The following ADISSP variants were observed in gnomAD, a reference collection of about 807,000 sequenced individuals.
ADISSP encodes the protein adipose secreted signaling protein.
At chr20:3,754,814 G>A in the ADISSP span, among the ~76,000 whole-genome samples, 1 of 152,226 alleles carries the variant, frequency 6.6e-6, no homozygotes. Context: ...AAGAAGGTCT[G>A]GCTGTTTTCT....
the ADISSP span, chr20:3,760,021 C>G: frequency 6.2e-7 from 1 of 1,610,306 alleles, no homozygotes. Context: ...AGCAATGGCC[C>G]TCCTACCAGG....
the ADISSP span, chr20:3,754,414 A>G: frequency 3.7e-6 from 6 of 1,613,894 alleles, no homozygotes; most frequent in Non-Finnish European, 5.1e-6. Flanking sequence ...GCGGGCCTGC[A>G]CCGTCACGCG....
the ADISSP span, among the ~76,000 whole-genome samples, chr20:3,758,927 C>A: frequency 6.6e-6 from 1 of 152,178 alleles, no homozygotes; most frequent in Non-Finnish European, 1.5e-5. The surrounding 1 kb of genome is among the most constrained non-coding windows in gnomAD (Gnocchi z 5.5). Context: ...GCTAATATGA[C>A]CCTTGCTTGG....
the ADISSP span, among the ~76,000 whole-genome samples, chr20:3,764,687 G>A: frequency 6.6e-6 from 1 of 152,352 alleles, no homozygotes; most frequent in South Asian, 2.1e-4. Context: ...GGCACTCAGC[G>A]CAGCACCAGA....
chr20:3,753,689 G>A, the ADISSP span: 3 of 315,120 alleles, frequency 9.5e-6, no homozygotes, highest in Admixed American at 4.7e-5. Context: ...CAGTAATGGG[G>A]CCACGACGCC....
At chr20:3,754,027 G>C in the ADISSP span, 3 of 1,541,504 alleles carry the variant, frequency 1.9e-6, no homozygotes, top group Non-Finnish European at 2.7e-6. Context: ...GTTTAAGGCT[G>C]AGGGGCCCGG....
At chr20:3,757,316 C>T in the ADISSP span, among the ~76,000 whole-genome samples, 7 of 152,096 alleles carry the variant, frequency 4.6e-5, no homozygotes, top group East Asian at 1.4e-3. Flanking sequence ...CGCCACTGTA[C>T]TCCAGCCTGG....
the ADISSP span, among the ~76,000 whole-genome samples, chr20:3,759,475 C>T: frequency 0.065 from 9,833 of 152,132 alleles, 348 homozygotes; most frequent in East Asian, 0.12. This position sits in a 1 kb window ranked among gnomAD's most constrained non-coding sequence, Gnocchi z 4.6. Flanking sequence ...CTGTAGAGGC[C>T]GAGAGCACGG....
At chr20:3,757,232 C>T in the ADISSP span, among the ~76,000 whole-genome samples, 1 of 151,982 alleles carries the variant, frequency 6.6e-6, no homozygotes, top group African/African-American at 2.4e-5. Flanking sequence ...CGCCTGTAAT[C>T]CCAGCTACTC....
the ADISSP span, among the ~76,000 whole-genome samples, chr20:3,755,871 G>T: frequency 1.3e-5 from 2 of 152,172 alleles, no homozygotes; most frequent in African/African-American, 4.8e-5. Context: ...GTCCTCAGTG[G>T]CTCATTTCAT....
At chr20:3,753,930 G>C in the ADISSP span, 7 of 694,552 alleles carry the variant, frequency 1.0e-5, no homozygotes, top group South Asian at 1.2e-4. Context: ...TGAGAGGCGT[G>C]GGCAAGGCCA....
chr20:3,753,867 T>C, the ADISSP span: 194,632 of 597,928 alleles, frequency 0.33, 33,247 homozygotes, highest in Non-Finnish European at 0.36. Context: ...GAGGAGGAAG[T>C]GGGAGAGGAG....
At chr20:3,762,940 T>G in the ADISSP span, among the ~76,000 whole-genome samples, 7 of 152,232 alleles carry the variant, frequency 4.6e-5, no homozygotes, top group East Asian at 1.4e-3. Flanking sequence ...AGAGGGTGTT[T>G]CGAACTACCT....
chr20:3,759,134 C>G, the ADISSP span, among the ~76,000 whole-genome samples: 1 of 152,188 alleles, frequency 6.6e-6, no homozygotes, highest in Non-Finnish European at 1.5e-5. The surrounding 1 kb of genome is among the most constrained non-coding windows in gnomAD (Gnocchi z 4.6). Context: ...TCCTCATGAC[C>G]CAAACCTGAA....
At chr20:3,758,653 G>T in the ADISSP span, 3 of 1,614,148 alleles carry the variant, frequency 1.9e-6, no homozygotes, top group Non-Finnish European at 2.5e-6. This position sits in a 1 kb window ranked among gnomAD's most constrained non-coding sequence, Gnocchi z 5.5. Context: ...CCGCAAAGCG[G>T]ATACTCCGGA....
the ADISSP span, chr20:3,755,758 G>C: frequency 5.2e-6 from 3 of 576,160 alleles, no homozygotes; most frequent in East Asian, 5.9e-5. Flanking sequence ...CCAGCTGATC[G>C]ACCCCCAGCC....
chr20:3,765,668 C>T, the ADISSP span, among the ~76,000 whole-genome samples: 7 of 152,278 alleles, frequency 4.6e-5, no homozygotes, highest in South Asian at 2.1e-4. Context: ...GCCCCAGGGA[C>T]GTCAGCCTTC....
chr20:3,754,101 A>T, the ADISSP span: 1 of 1,613,508 alleles, frequency 6.2e-7, no homozygotes, highest in Non-Finnish European at 8.5e-7. Flanking sequence ...GTCGTATTCC[A>T]GCTCGGCGCC....
chr20:3,753,819 C>G, the ADISSP span: 6 of 578,788 alleles, frequency 1.0e-5, no homozygotes, highest in African/African-American at 1.9e-5. Context: ...CTTTCGGGCT[C>G]AACCCATTTC....
Sources: allele counts gnomAD v4.1 joint callset (sites outside exome capture counted in the v4.1 genomes callset), GRCh38; gene constraint gnomAD v4.1.1; non-coding constraint Gnocchi (gnomAD v3.1); transcripts MANE v1.5; gene names NCBI Gene and HGNC (gene_info 2026-07-23, HGNC 2026-07-21).